Variants in TMEM62 observed in about 807,000 individuals in gnomAD.
TMEM62 encodes the protein transmembrane protein 62.
In TMEM62, 41 loss-of-function variants were observed where a neutral mutation model predicts 70.4. That is an observed-to-expected ratio of 0.58 (90% CI 0.45 to 0.76). TMEM62 has a LOEUF of 0.76. Ranked by LOEUF, TMEM62 falls within the 30% of genes least tolerant of loss-of-function variation. The pLI is 0.00. For missense variants in TMEM62, 688 were observed against 788.5 expected (o/e 0.87, Z 1.53); for synonymous variants, 268 against 291.0 (o/e 0.92, Z 0.80).
chr15:43,162,433 C>CTTTT (rs1169921008), intron 10 of TMEM62, among the ~76,000 whole-genome samples: 3 of 136,988 alleles, frequency 2.2e-5, no homozygotes, highest in African/African-American at 9.2e-5. Context: ...GCCCCTGGCC[C>CTTTT]TTTTTTTTTT....
At chr15:43,144,770 T>C (rs2036454754) in intron 4 of TMEM62, among the ~76,000 whole-genome samples, 1 of 152,162 alleles carries the variant, frequency 6.6e-6, no homozygotes, top group African/African-American at 2.4e-5. Context: ...CTGTTAACTG[T>C]TTGTATCTTT....
chr15:43,155,357 A>G (rs1308585949), intron 9 of TMEM62, among the ~76,000 whole-genome samples: 2 of 152,078 alleles, frequency 1.3e-5, no homozygotes, highest in Non-Finnish European at 2.9e-5. Flanking sequence ...TTAGCTGGGC[A>G]TGGTGGCGTG....
At chr15:43,146,107 A>G (rs1656326478) in intron 4 of TMEM62, 1 of 156,902 alleles carries the variant, frequency 6.4e-6, no homozygotes, top group Admixed American at 6.4e-5. Flanking sequence ...TGTTTCAAGA[A>G]GTAGACAGCT....
intron 2 of TMEM62, among the ~76,000 whole-genome samples, chr15:43,134,574 G>T (rs948481117): frequency 6.6e-6 from 1 of 152,188 alleles, no homozygotes; most frequent in Non-Finnish European, 1.5e-5. Context: ...ATGATTTGAC[G>T]TAGCAAGGTT....
chr15:43,163,268 G>A (rs1336491533), intron 10 of TMEM62, among the ~76,000 whole-genome samples: 1 of 151,922 alleles, frequency 6.6e-6, no homozygotes, highest in Non-Finnish European at 1.5e-5. Flanking sequence ...GATAGGTTTA[G>A]TGTATATTCT....
intron 13 of TMEM62, among the ~76,000 whole-genome samples, chr15:43,183,894 T>A (rs2041631352): frequency 6.6e-6 from 1 of 152,150 alleles, no homozygotes; most frequent in Non-Finnish European, 1.5e-5. Context: ...AGAAAAAAAA[T>A]ACTGATAGCC....
chr15:43,164,876 G>C (rs1341048009), intron 10 of TMEM62, among the ~76,000 whole-genome samples: 1 of 152,088 alleles, frequency 6.6e-6, no homozygotes, highest in Non-Finnish European at 1.5e-5. Context: ...TTCTGAATAT[G>C]TCATGCCACT....
At chr15:43,136,744 A>C (rs1473401585) in intron 3 of TMEM62, among the ~76,000 whole-genome samples, 1 of 151,606 alleles carries the variant, frequency 6.6e-6, no homozygotes, top group East Asian at 1.9e-4. Flanking sequence ...GGCGTGAGCC[A>C]CCACGCCTGG....
intron 11 of TMEM62, among the ~76,000 whole-genome samples, chr15:43,170,572 T>A (rs1030686575): frequency 1.3e-5 from 2 of 151,172 alleles, no homozygotes; most frequent in African/African-American, 2.4e-5. Flanking sequence ...CCTAAGAAAT[T>A]AAAAAAAAAC....
chr15:43,167,322 C>G (rs1477492746), intron 10 of TMEM62, among the ~76,000 whole-genome samples: 1 of 151,998 alleles, frequency 6.6e-6, no homozygotes, highest in African/African-American at 2.4e-5. Context: ...TCCTCACTTC[C>G]CAGACGGGGT....
In TMEM62 at chr15:43,181,163, G is replaced by T. The variant is rs1357912474; in HGVS notation, c.1487-18G>T. 2.0e-6 allele frequency: 3 copies of T among 1,466,706 alleles called. No homozygotes were observed. The highest frequency in any genetic ancestry group is 1.4e-5 in the African/African-American group (1 of 71,412). 90.9% of individuals were successfully genotyped at this position (1,466,706 alleles called of 1,614,324 possible). ...TAGTTATTTAATCTCCTCCTTTTTTGTCCATTGCCTCTTTTAGGTCCATGG... is the reference window on the plus strand; with the variant it reads ...TAGTTATTTAATCTCCTCCTTTTTTTTCCATTGCCTCTTTTAGGTCCATGG... On this transcript the variant is annotated intron_variant, in intron 12 of 13. Coordinates refer to ENST00000260403, the MANE Select transcript of TMEM62 (RefSeq NM_024956.4).
chr15:43,169,788 G>A (rs2039995206), intron 11 of TMEM62, 111 bp downstream of exon 11: 1 of 847,658 alleles, frequency 1.2e-6, no homozygotes, highest in Non-Finnish European at 1.8e-6. Context: ...CCATGGCCCA[G>A]GGAAAACACA....
chr15:43,171,614 CTTTTTTTTT>C (rs751979920), intron 11 of TMEM62, among the ~76,000 whole-genome samples: 1 of 114,974 alleles, frequency 8.7e-6, no homozygotes, highest in African/African-American at 3.4e-5. Context: ...TTAATAAAAA[CTTTTTTTTT>C]TTTTTTTTTT....
intron 7 of TMEM62, among the ~76,000 whole-genome samples, chr15:43,151,024 A>G (rs1785628734): frequency 1.3e-5 from 2 of 152,258 alleles, no homozygotes; most frequent in South Asian, 4.1e-4. Flanking sequence ...AAATGAAAAC[A>G]ACTTTAATTT....
chr15:43,154,246 A>T (rs1040054431), intron 8 of TMEM62, among the ~76,000 whole-genome samples: 255 of 152,260 alleles, frequency 1.7e-3, no homozygotes, highest in Non-Finnish European at 2.0e-3. Flanking sequence ...TTCTGGTTAT[A>T]ACCCTGTTTC....
At chr15:43,146,472 C>A (rs1160718073) in intron 4 of TMEM62, 21 bp from the exon 5 acceptor site, 28 of 1,600,346 alleles carry the variant, frequency 1.7e-5, no homozygotes, top group East Asian at 2.2e-5. Context: ...CACTAACACC[C>A]TCCTGTCTTC....
intron 11 of TMEM62, among the ~76,000 whole-genome samples, chr15:43,177,763 C>T (rs1286810146): frequency 6.6e-6 from 1 of 151,916 alleles, no homozygotes; most frequent in Non-Finnish European, 1.5e-5. Flanking sequence ...AAACCAAACA[C>T]CGTATGTTCT....
Position 43,154,683 on chromosome 15 carries a change from T to C in TMEM62, c.1034T>C (p.Phe345Ser), listed in dbSNP as rs1249369234. 1 of 1,605,784 alleles carries C rather than the reference T, an allele frequency of 6.2e-7. No homozygotes were observed. Among genetic ancestry groups the C allele is most frequent in the Non-Finnish European group, 8.5e-7 (1 of 1,177,762 alleles). ...TGCTCTCATTTTAGAGTCTTGGCCTTTTCCTTATCCTCCATTACTTCTGTC... is the reference window on the plus strand; with the variant it reads ...TGCTCTCATTTTAGAGTCTTGGCCTCTTCCTTATCCTCCATTACTTCTGTC... ...LHSTHIRVLA[F>S]SLSSITSVTV... Residue 345 changes from phenylalanine (F) to serine (S), a missense_variant, in exon 9 of 14, where the codon TTT (phenylalanine) becomes TCT (serine). Transcript: ENST00000260403.
intron 10 of TMEM62, among the ~76,000 whole-genome samples, chr15:43,166,133 A>C (rs2039383202): frequency 6.6e-6 from 1 of 152,262 alleles, no homozygotes; most frequent in South Asian, 2.1e-4. Context: ...ATATCTGTAC[A>C]AGGGGGTGCC....
Sources: allele counts gnomAD v4.1 joint callset (sites outside exome capture counted in the v4.1 genomes callset), GRCh38; gene constraint gnomAD v4.1.1; transcripts MANE v1.5; gene names NCBI Gene and HGNC (gene_info 2026-07-23, HGNC 2026-07-21).